SLFN12: variants seen among roughly 807,000 people sequenced by gnomAD.
SLFN12 encodes the protein ribonuclease SLFN12.
SLFN12 carries 25 observed loss-of-function variants against 29.1 expected under a neutral mutation model. The ratio of observed to expected loss-of-function variants is 0.86; its 90% CI spans 0.63 to 1.20. SLFN12 has a LOEUF of 1.20. SLFN12 is among the 50% of genes most tolerant of loss of function. SLFN12 has a pLI of 0.00. For missense variants in SLFN12, 660 were observed against 666.2 expected, an observed-to-expected ratio of 0.99 and a Z score of 0.10; for synonymous variants, 257 against 238.7, an observed-to-expected ratio of 1.08 and a Z score of -0.71.
intron 1 of SLFN12, 26 bp from the exon 2 acceptor site, chr17:35,423,094 A>G: frequency 6.5e-7 from 1 of 1,530,728 alleles, no homozygotes; most frequent in South Asian, 1.3e-5. Context: ...AGCCATTAGA[A>G]TAGGACCTGA....
chr17:35,413,578 T>C (rs1911156388), intron 3 of SLFN12, among the ~76,000 whole-genome samples: 1 of 151,746 alleles, frequency 6.6e-6, no homozygotes. Flanking sequence ...TGACACCCCG[T>C]CTCTACTAAA....
intron 1 of SLFN12, among the ~76,000 whole-genome samples, chr17:35,430,010 T>G (rs999706095): frequency 3.9e-5 from 6 of 151,954 alleles, no homozygotes; most frequent in African/African-American, 1.4e-4. Context: ...TAGCTCTGCT[T>G]GAACACTGCA....
intron 1 of SLFN12, among the ~76,000 whole-genome samples, chr17:35,428,517 T>C (rs962489768): frequency 6.6e-6 from 1 of 152,120 alleles, no homozygotes; most frequent in Non-Finnish European, 1.5e-5. Context: ...GCAGCATCTT[T>C]CCCTCAGTGT....
intron 3 of SLFN12, among the ~76,000 whole-genome samples, chr17:35,418,624 AG>A (rs1282218393): frequency 2.0e-5 from 3 of 152,138 alleles, no homozygotes; most frequent in Admixed American, 6.5e-5. Flanking sequence ...TTGGGTCAAA[AG>A]TAAGCTATTA....
rs180684594 is a variant in SLFN12 at position 35,411,329 on chromosome 17, C to T, written c.*9G>A. The T allele has an allele frequency of 4.2e-5, 62 of 1,482,576 alleles. No individual in the cohort carries two copies. The highest frequency in any genetic ancestry group is 2.1e-4 in the Middle Eastern group (1 of 4,688). The allele number at this position is 1,482,576 out of a possible 1,614,324, so 91.8% of individuals were successfully genotyped here. ...TGAAAAATATCTCAGTAGCCCAGTC[C>T]ATTTTCCATCAGGTGAGCCTTCGAC... On this transcript the variant is annotated 3_prime_UTR_variant, in exon 4 of 4. Coordinates refer to ENST00000304905, the MANE Select transcript of SLFN12 (RefSeq NM_018042.5).
chr17:35,421,977 C>T lies in SLFN12; in HGVS notation c.1039+13G>A. ...GCCAAATGCATTCCTGTTGCGAATC[C>T]CCCGCTCTCAACTTGGTTCAGCCTC... On this transcript the variant is annotated intron_variant, in intron 2 of 3. Coordinates refer to ENST00000304905, the MANE Select transcript of SLFN12 (RefSeq NM_018042.5). 1 of 1,608,500 alleles carries T rather than the reference C, an allele frequency of 6.2e-7. No individual in the cohort carries two copies. Among genetic ancestry groups the T allele is most frequent in the Non-Finnish European group, 8.5e-7 (1 of 1,176,046 alleles).
intron 1 of SLFN12, among the ~76,000 whole-genome samples, chr17:35,425,170 G>T (rs957644214): frequency 3.3e-5 from 5 of 152,008 alleles, no homozygotes; most frequent in African/African-American, 1.2e-4. Flanking sequence ...AGTGGTTTGT[G>T]CCTATGGTCT....
chr17:35,429,000 A>ACAGCCC (rs1912162042), intron 1 of SLFN12, among the ~76,000 whole-genome samples: 1 of 152,090 alleles, frequency 6.6e-6, no homozygotes, highest in South Asian at 2.1e-4. Context: ...ACCCAGGCGC[A>ACAGCCC]CAGCCCCAGC....
chr17:35,422,642 T>G lies in SLFN12; in HGVS notation c.387A>C (p.Arg129Ser). ...ITTLSSNLYKRDITSAKVMNA... is the reference protein window; with the variant it reads ...ITTLSSNLYKSDITSAKVMNA... The stretch of plus-strand genomic sequence containing the variant: ...TCATGACTTTTGCAGATGTTATATC[T>G]CTTTTGTACAAATTGGAGCTCAAGG... The change falls in exon 2 of 4, where the codon AGA becomes AGC. Residue 129 changes from arginine (R) to serine (S), a missense_variant. By Grantham distance (110) the Arg-to-Ser change is moderately radical. Transcript: ENST00000304905. 1 of 1,613,820 alleles carries G rather than the reference T, an allele frequency of 6.2e-7. No homozygotes were observed. Among genetic ancestry groups the G allele is most frequent in the Non-Finnish European group, 8.5e-7 (1 of 1,179,870 alleles).
chr17:35,411,053 G>A lies in SLFN12; in HGVS notation c.*285C>T, dbSNP rs931522527. The A allele has an allele frequency of 3.5e-4, 74 of 211,108 alleles. No homozygotes were observed. The highest frequency in any genetic ancestry group is 1.7e-3 in the African/African-American group (74 of 43,664). 13.1% of individuals were successfully genotyped at this position (211,108 alleles called of 1,614,324 possible). ...CACTGTTGTCATTAAGAATAAAAGT[G>A]TTGCAATTTTCCCAGTTCAAGCATG... On this transcript the variant is annotated 3_prime_UTR_variant, in exon 4 of 4. Coordinates refer to ENST00000304905, the MANE Select transcript of SLFN12 (RefSeq NM_018042.5).
intron 1 of SLFN12, among the ~76,000 whole-genome samples, chr17:35,428,958 A>G (rs1405550014): frequency 6.6e-6 from 1 of 152,070 alleles, no homozygotes; most frequent in African/African-American, 2.4e-5. Flanking sequence ...ATCTCTACCC[A>G]CAAAGGCTGC....
chr17:35,421,639 A>G (rs1431724349), intron 2 of SLFN12, among the ~76,000 whole-genome samples: 1 of 146,892 alleles, frequency 6.8e-6, no homozygotes, highest in Non-Finnish European at 1.5e-5. Context: ...ACCTGGCTTC[A>G]ACCGATTCTC....
chr17:35,420,830 T>C (rs1360394275), intron 2 of SLFN12: 1 of 154,172 alleles, frequency 6.5e-6, no homozygotes, highest in Non-Finnish European at 1.4e-5. Flanking sequence ...ATACCAGCAT[T>C]ATTCCTTCCT....
At chr17:35,413,978 T>C (rs750247706) in intron 3 of SLFN12, among the ~76,000 whole-genome samples, 5 of 152,046 alleles carry the variant, frequency 3.3e-5, no homozygotes, top group Admixed American at 1.3e-4. Context: ...ATAGAAGGAA[T>C]GTACCTCACC....
At chr17:35,421,533 A>ATTT (rs1382860139) in intron 2 of SLFN12, among the ~76,000 whole-genome samples, 1 of 136,006 alleles carries the variant, frequency 7.4e-6, no homozygotes, top group African/African-American at 3.0e-5. Context: ...GAGGCAGGGA[A>ATTT]CTTTTTTTTT....
chr17:35,422,548 C>T lies in SLFN12; in HGVS notation c.481G>A (p.Glu161Lys). ...KTRGRLYLRP[E>K]LLAKRPCVDI... ...ACACAGGGCCTCTTTGCCAGCAATT[C>T]TGGTCTTAAATACAATCTCCCTCTA... The change falls in exon 2 of 4, where the codon GAA becomes AAA. Residue 161 changes from glutamate to lysine, a missense_variant. Transcript: ENST00000304905. The T allele has an allele frequency of 6.2e-7, 1 of 1,614,096 alleles. No individual in the cohort carries two copies. Among genetic ancestry groups the T allele is most frequent in the Non-Finnish European group, 8.5e-7 (1 of 1,180,012 alleles).
intron 3 of SLFN12, among the ~76,000 whole-genome samples, chr17:35,418,550 T>C (rs1441899300): frequency 1.3e-5 from 2 of 150,948 alleles, no homozygotes; most frequent in African/African-American, 5.0e-5. Flanking sequence ...TGATACTTAT[T>C]GTAAGAATAT....
intron 2 of SLFN12, 56 bp from the exon 3 acceptor site, chr17:35,420,437 T>C: frequency 9.6e-7 from 1 of 1,046,392 alleles, no homozygotes; most frequent in Admixed American, 1.9e-5. Flanking sequence ...CCCAACTAAC[T>C]AATGCATAGT....
intron 1 of SLFN12, chr17:35,430,668 G>GA (rs1045613184): frequency 7.2e-5 from 11 of 152,206 alleles, no homozygotes; most frequent in Non-Finnish European, 1.0e-4. Flanking sequence ...CTATTGGGAG[G>GA]ATAATACCAA....
Sources: allele counts gnomAD v4.1 joint callset (sites outside exome capture counted in the v4.1 genomes callset), GRCh38; gene constraint gnomAD v4.1.1; transcripts MANE v1.5; gene names NCBI Gene and HGNC (gene_info 2026-07-23, HGNC 2026-07-21).